Variants in AGBL4 observed in about 807,000 individuals in gnomAD.
AGBL4 encodes the protein AGBL carboxypeptidase 4, also known as cytosolic carboxypeptidase 6.
In AGBL4, 58 loss-of-function variants were observed where a neutral mutation model predicts 66.4. That is an observed-to-expected ratio of 0.87 (90% CI 0.71 to 1.09). AGBL4 has a LOEUF of 1.09. AGBL4 is among the 50% of genes least tolerant of loss of function. AGBL4 has a pLI of 0.00. For synonymous variants in AGBL4, 234 were observed against 222.9 expected (o/e 1.05, Z -0.44); for missense variants, 579 against 631.0 (o/e 0.92, Z 0.88).
chr1:49,768,927 C>A (rs1643974975), intron 2 of AGBL4, among the ~76,000 whole-genome samples: 1 of 152,026 alleles, frequency 6.6e-6, no homozygotes, highest in South Asian at 2.1e-4. Context: ...TGGCTCACTG[C>A]AACCTCCGCC....
intron 1 of AGBL4, among the ~76,000 whole-genome samples, chr1:49,949,992 ATATGTG>A (rs1655934109): frequency 8.3e-6 from 1 of 120,404 alleles, no homozygotes; most frequent in Admixed American, 9.2e-5. Context: ...ATGTATATAT[ATATGTG>A]TATATATATA....
chr1:48,823,960 T>G (rs747420940), intron 6 of AGBL4, among the ~76,000 whole-genome samples: 100 of 151,606 alleles, frequency 6.6e-4, no homozygotes, highest in Non-Finnish European at 1.3e-3. Context: ...AAAAGGATGG[T>G]GGGACAAAAG....
rs373675088 is a variant in AGBL4, at chr1:49,274,399, T to C, written c.283-28535A>G. Among the ~76,000 whole-genome samples the C allele has an allele frequency of 1.9e-3, 294 of 152,280 alleles. 2 individuals are homozygous for C. Among genetic ancestry groups the C allele is most frequent in the African/African-American group, 6.7e-3 (279 of 41,580 alleles). The stretch of plus-strand genomic sequence containing the variant: ...TTTTTTTGAGTTGTACTTGTAAAAA[T>C]GTATTATCAATATGTGTTCTAAAAT... On this transcript the variant is annotated intron_variant, in intron 3 of 13. Coordinates refer to ENST00000371839, the MANE Select transcript of AGBL4 (RefSeq NM_032785.4).
At chr1:48,571,019 G>A (rs1021143711) in intron 11 of AGBL4, among the ~76,000 whole-genome samples, 6 of 152,116 alleles carry the variant, frequency 3.9e-5, no homozygotes, top group Non-Finnish European at 8.8e-5. Context: ...CCCATGAAGC[G>A]AGCACACAGA....
At chr1:49,420,372 T>A (rs1461752915) in intron 3 of AGBL4, among the ~76,000 whole-genome samples, 1 of 151,682 alleles carries the variant, frequency 6.6e-6, no homozygotes, top group Non-Finnish European at 1.5e-5. Context: ...TCTACAAGAG[T>A]GGGATAAACA....
At chr1:49,282,886 G>C (rs569172569) in intron 3 of AGBL4, among the ~76,000 whole-genome samples, 2 of 152,014 alleles carry the variant, frequency 1.3e-5, no homozygotes, top group Non-Finnish European at 2.9e-5. Flanking sequence ...ATGGAGTCTC[G>C]CTGACTGCTA....
chr1:49,497,136 C>T (rs1238357928), intron 3 of AGBL4, among the ~76,000 whole-genome samples: 1 of 151,902 alleles, frequency 6.6e-6, no homozygotes, highest in Non-Finnish European at 1.5e-5. Context: ...TGAGGTTGAA[C>T]ATTTTTTATA....
At chr1:49,859,215 T>C (rs902679270) in intron 1 of AGBL4, among the ~76,000 whole-genome samples, 1 of 152,102 alleles carries the variant, frequency 6.6e-6, no homozygotes, top group Non-Finnish European at 1.5e-5. Flanking sequence ...TGAGAGAACA[T>C]TATGAACAAT....
rs767111009 is a variant in AGBL4 at position 48,761,441 on chromosome 1, T to C, written c.635-98200A>G. On this transcript the variant is annotated intron_variant, in intron 6 of 13. Transcript: ENST00000371839. Reference sequence around the variant, plus strand: ...TTGGGGATTTTTATTTTCTTCTGCATCACACTGTTTTCAAGGTCAGATTTG... The same window carrying C: ...TTGGGGATTTTTATTTTCTTCTGCACCACACTGTTTTCAAGGTCAGATTTG... 21 of 1,551,220 alleles carry C rather than the reference T, an allele frequency of 1.4e-5. No homozygotes were observed. The African/African-American group carries it at 2.6e-4, about 19-fold the overall frequency.
rs183057006 is a variant in AGBL4 at position 49,093,790 on chromosome 1, G to A, written c.378-47990C>T. On this transcript the variant is annotated intron_variant, in intron 4 of 13. Transcript: ENST00000371839. The stretch of plus-strand genomic sequence containing the variant: ...ACTTCAAATCTTTGGCTTGTTATAA[G>A]AAAGCATCTCTATTCAATATACAAT... Among the ~76,000 whole-genome samples, 280 of 152,262 alleles carry A rather than the reference G, an allele frequency of 1.8e-3. 2 individuals are homozygous for A. Among genetic ancestry groups the A allele is most frequent in the African/African-American group, 6.4e-3 (265 of 41,574 alleles).
intron 3 of AGBL4, among the ~76,000 whole-genome samples, chr1:49,511,143 G>GAC (rs1039317583): frequency 5.5e-4 from 84 of 151,848 alleles, no homozygotes; most frequent in Non-Finnish European, 7.4e-4. Context: ...CTGCTATAAA[G>GAC]ACACACACAC....
chr1:48,902,450 A>G (rs1376372014), intron 5 of AGBL4, among the ~76,000 whole-genome samples: 3 of 152,110 alleles, frequency 2.0e-5, no homozygotes, highest in Non-Finnish European at 4.4e-5. Flanking sequence ...AAAGCAGTGG[A>G]GATGCTGAGA....
At chr1:49,464,631 G>A (rs1367544840) in intron 3 of AGBL4, among the ~76,000 whole-genome samples, 1 of 151,584 alleles carries the variant, frequency 6.6e-6, no homozygotes, top group East Asian at 2.0e-4. Flanking sequence ...GAACTTACTG[G>A]AAACACAGAG....
intron 3 of AGBL4, among the ~76,000 whole-genome samples, chr1:49,617,386 C>T (rs916575117): frequency 2.6e-5 from 4 of 152,170 alleles, no homozygotes; most frequent in Non-Finnish European, 5.9e-5. Context: ...TCCCTATACC[C>T]TCTAGTCCTC....
chr1:49,120,864 T>C (rs1374679915), intron 4 of AGBL4, among the ~76,000 whole-genome samples: 1 of 152,228 alleles, frequency 6.6e-6, no homozygotes, highest in African/African-American at 2.4e-5. Flanking sequence ...GATTTGGTCT[T>C]TTCTCATAGT....
At chr1:49,083,079 G>GC (rs1008518601) in intron 4 of AGBL4, among the ~76,000 whole-genome samples, 1 of 152,212 alleles carries the variant, frequency 6.6e-6, no homozygotes. Context: ...GGGCAGCTCT[G>GC]CCCCTGTGGC....
chr1:49,673,417 C>T (rs1262810968), intron 3 of AGBL4, among the ~76,000 whole-genome samples: 1 of 152,084 alleles, frequency 6.6e-6, no homozygotes, highest in Non-Finnish European at 1.5e-5. Flanking sequence ...TAGTCAACAA[C>T]AACTTAATTG....
At chr1:49,237,712 A>C (rs1352507586) in intron 4 of AGBL4, among the ~76,000 whole-genome samples, 1 of 151,776 alleles carries the variant, frequency 6.6e-6, no homozygotes, top group Non-Finnish European at 1.5e-5. Flanking sequence ...GAACCATGTC[A>C]ATGTTATAAT....
At chr1:49,751,430 C>G (rs1217215404) in intron 2 of AGBL4, among the ~76,000 whole-genome samples, 1 of 152,128 alleles carries the variant, frequency 6.6e-6, no homozygotes, top group Non-Finnish European at 1.5e-5. Context: ...AGGGATGAAG[C>G]CGACTTGATC....
Sources: gnomAD v4.1 joint callset for allele counts (sites outside exome capture counted in the v4.1 genomes callset) on GRCh38, gnomAD v4.1.1 for gene constraint, MANE v1.5 for transcripts, NCBI Gene and HGNC (gene_info 2026-07-23, HGNC 2026-07-21) for gene names.